INPP5D: variants seen among roughly 807,000 people sequenced by gnomAD.
INPP5D encodes inositol polyphosphate-5-phosphatase D, also known as phosphatidylinositol 3,4,5-trisphosphate 5-phosphatase 1.
In INPP5D, 33 loss-of-function variants were observed where a neutral mutation model predicts 122.9. That is an observed-to-expected ratio of 0.27 (90% CI 0.20 to 0.36). INPP5D has a LOEUF of 0.36. Among genes scored for constraint, INPP5D ranks in the 10% least tolerant of loss-of-function variants. The pLI, the probability that INPP5D is intolerant of heterozygous loss-of-function variation, is 1.00. For missense variants in INPP5D, 1,053 were observed against 1,412.7 expected, an observed-to-expected ratio of 0.75 and a Z score of 4.08; for synonymous variants, 584 against 576.2, an observed-to-expected ratio of 1.01 and a Z score of -0.19.
intron 18 of INPP5D, 42 bp from the exon 19 acceptor site, chr2:233,182,368 G>A: frequency 6.2e-7 from 1 of 1,611,050 alleles, no homozygotes; most frequent in South Asian, 1.1e-5. Flanking sequence ...GACCGGAAGG[G>A]CTTCTCCTTC....
intron 2 of INPP5D, among the ~76,000 whole-genome samples, chr2:233,111,379 T>C (rs1692624072): frequency 6.6e-6 from 1 of 152,270 alleles, no homozygotes; most frequent in South Asian, 2.1e-4. Flanking sequence ...CACACACACA[T>C]ATAATTTCCC....
intron 5 of INPP5D, among the ~76,000 whole-genome samples, chr2:233,139,470 G>C (rs2106272910): frequency 2.6e-5 from 1 of 38,980 alleles, no homozygotes; most frequent in South Asian, 8.6e-4. Flanking sequence ...TAACACCTGT[G>C]TGTGTGTGTG....
chr2:233,125,851 G>A lies in INPP5D; in HGVS notation c.456G>A (p.Ala152=), dbSNP rs569172731. ...EVPFSNENPR[A]TETSRPSLSE... ...CTTTTTCAAACGAGAATCCCCGAGC[G>A]ACCGAGACCAGCCGGCCGAGCCTCT... Residue 152 remains alanine (A), a synonymous_variant, in exon 4 of 27, where the codon GCG becomes GCA. Coordinates refer to ENST00000445964, the MANE Select transcript of INPP5D (RefSeq NM_001017915.3). 30 of 1,613,772 alleles carry A rather than the reference G, an allele frequency of 1.9e-5. No individual in the cohort carries two copies. The highest frequency in any genetic ancestry group is 6.7e-5 in the East Asian group (3 of 44,860).
chr2:233,084,055 T>C (rs148795367), intron 2 of INPP5D, among the ~76,000 whole-genome samples: 69 of 152,282 alleles, frequency 4.5e-4, no homozygotes, highest in African/African-American at 1.6e-3. Flanking sequence ...TTTTTCTGTT[T>C]TGTTTTGTTT....
intron 2 of INPP5D, among the ~76,000 whole-genome samples, chr2:233,118,705 C>T (rs1356653963): frequency 2.6e-5 from 4 of 152,244 alleles, no homozygotes; most frequent in African/African-American, 9.6e-5. Flanking sequence ...GGGTCTGTCC[C>T]TGTGGATCTG....
chr2:233,158,207 A>G (rs1202931698), intron 9 of INPP5D, 106 bp from the exon 10 acceptor site: 6 of 602,438 alleles, frequency 1.0e-5, no homozygotes, highest in East Asian at 2.9e-5. Context: ...CTCGGGGCTC[A>G]GCTTGGGGAC....
Position 233,171,060 on chromosome 2 carries a change from T to A in INPP5D, c.1901-4T>A. ...GAATTAAAACGAAAGTCTCTCTGTT[T>A]CAGAGGAGGAAGAAATCACGTTTGC... On this transcript the variant is annotated splice_polypyrimidine_tract_variant and splice_region_variant and intron_variant, in intron 16 of 26. Coordinates refer to ENST00000445964, the MANE Select transcript of INPP5D (RefSeq NM_001017915.3). 6.2e-7 allele frequency: 1 copy of A among 1,613,778 alleles called. No individual in the cohort carries two copies. The highest frequency in any genetic ancestry group is 8.5e-7 in the Non-Finnish European group (1 of 1,179,844).
rs556971192 is a variant in INPP5D, at chr2:233,149,100, CTTTT to C, written c.1030+1524_1030+1527del. Reference sequence around the variant, plus strand: ...TGGCTTCTTCAGGCATGATCAGCACCTTTTTTTTTTTTTTTTTTTTTGAGACAAA... The same window carrying C: ...TGGCTTCTTCAGGCATGATCAGCACCTTTTTTTTTTTTTTTTTGAGACAAA... On this transcript the variant is annotated intron_variant, in intron 9 of 26. Coordinates refer to ENST00000445964, the MANE Select transcript of INPP5D (RefSeq NM_001017915.3). Among the ~76,000 whole-genome samples, 13 of 105,998 alleles carry C rather than the reference CTTTT, an allele frequency of 1.2e-4. No individual in the cohort carries two copies. In the East Asian group the frequency reaches 1.2e-3, roughly 10 times the overall value. The allele number at this position is 105,998 out of a possible 152,430, so 69.5% of individuals were successfully genotyped here. A position where few individuals can be genotyped will look rare whatever the true frequency, so the allele number is the denominator to read the frequency against.
At chr2:233,191,498 C>T (rs573135442) in intron 22 of INPP5D, among the ~76,000 whole-genome samples, 22 of 152,208 alleles carry the variant, frequency 1.4e-4, no homozygotes, top group African/African-American at 2.9e-4. Context: ...TGCAGTGCCG[C>T]GGGTAAGGGA....
chr2:233,156,289 A>G (rs138015578), intron 9 of INPP5D, among the ~76,000 whole-genome samples: 26,340 of 152,118 alleles, frequency 0.17, 4,204 homozygotes, highest in African/African-American at 0.42. Context: ...CCAGGTTCAC[A>G]CTTCCTTCTT....
rs1293388468 is a variant in INPP5D, at chr2:233,170,588, G to A, written c.1884G>A (p.Lys628=). ...TGCTCACAGAGAGGAGGGAGCAGAA[G>A]GTCTTCCTACACTTCGGTAAGAGCA... The part of the protein sequence containing the change: ...DQLLTERREQ[K]VFLHFEEEEI... The change falls in exon 16 of 27, where the codon AAG becomes AAA. Residue 628 remains lysine (K), a synonymous_variant. Transcript: ENST00000445964. This position sits in a 1 kb window ranked among gnomAD's most constrained non-coding sequence, Gnocchi z 4.5. The A allele has an allele frequency of 1.2e-6, 2 of 1,613,348 alleles. No individual in the cohort carries two copies. Among genetic ancestry groups the A allele is most frequent in the Non-Finnish European group, 1.7e-6 (2 of 1,179,666 alleles).
intron 25 of INPP5D, among the ~76,000 whole-genome samples, chr2:233,203,337 A>G (rs534746868): frequency 1.1e-4 from 16 of 152,214 alleles, no homozygotes; most frequent in African/African-American, 3.6e-4. Flanking sequence ...GGCTGTGGAG[A>G]GCAGGCTCAT....
chr2:233,154,844 T>G (rs1694005672), intron 9 of INPP5D, among the ~76,000 whole-genome samples: 1 of 152,242 alleles, frequency 6.6e-6, no homozygotes, highest in Admixed American at 6.5e-5. Flanking sequence ...TAAGAATTCC[T>G]TCGCCTAGGC....
In INPP5D at chr2:233,206,631, A is replaced by T; in HGVS notation, c.3568-75A>T. 1 of 734,110 alleles carries T rather than the reference A, an allele frequency of 1.4e-6. No individual in the cohort carries two copies. Among genetic ancestry groups the T allele is most frequent in the African/African-American group, 1.7e-5 (1 of 57,968 alleles). 45.5% of individuals were successfully genotyped at this position (734,110 alleles called of 1,614,324 possible). A position where few individuals can be genotyped will look rare whatever the true frequency, so the allele number is the denominator to read the frequency against. On this transcript the variant is annotated intron_variant, in intron 26 of 26. Transcript: ENST00000445964. This position sits in a 1 kb window ranked among gnomAD's most constrained non-coding sequence, Gnocchi z 4.0. ...AAGCCTGGCCTAGCCCACAGCATGC[A>T]GGGACCTGGGCCACTTAGTTCAACA...
chr2:233,189,712 T>C lies in INPP5D; in HGVS notation c.2359-138T>C. 1 of 1,282,982 alleles carries C rather than the reference T, an allele frequency of 7.8e-7. No individual in the cohort carries two copies. Among genetic ancestry groups the C allele is most frequent in the Admixed American group, 2.8e-5 (1 of 36,138 alleles). 79.5% of individuals were successfully genotyped at this position (1,282,982 alleles called of 1,614,324 possible). A position where few individuals can be genotyped will look rare whatever the true frequency, so the allele number is the denominator to read the frequency against. ...TATGTGAAAGCTATACCCCACCTGCTCTCTTGGGTATGGACAGCAGAGATT... is the reference window on the plus strand; with the variant it reads ...TATGTGAAAGCTATACCCCACCTGCCCTCTTGGGTATGGACAGCAGAGATT... On this transcript the variant is annotated intron_variant, in intron 21 of 26. Coordinates refer to ENST00000445964, the MANE Select transcript of INPP5D (RefSeq NM_001017915.3). The surrounding 1 kb of genome is among the most constrained non-coding windows in gnomAD (Gnocchi z 5.6).
chr2:233,097,154 C>T (rs543136510), intron 2 of INPP5D, among the ~76,000 whole-genome samples: 67 of 152,336 alleles, frequency 4.4e-4, no homozygotes, highest in African/African-American at 1.3e-3. Flanking sequence ...TAATTTCCCC[C>T]ATAGTCCTAA....
At chr2:233,102,482 T>C (rs1299032291) in intron 2 of INPP5D, among the ~76,000 whole-genome samples, 4 of 152,166 alleles carry the variant, frequency 2.6e-5, no homozygotes, top group Non-Finnish European at 5.9e-5. Context: ...CACAGAATGT[T>C]TTGGCAATTA....
At chr2:233,145,772 A>C (rs1693742690) in intron 6 of INPP5D, among the ~76,000 whole-genome samples, 1 of 152,040 alleles carries the variant, frequency 6.6e-6, no homozygotes, top group African/African-American at 2.4e-5. Flanking sequence ...TACGTGGAGA[A>C]GAACTGTACT....
chr2:233,093,682 CAAA>C (rs11443116), intron 2 of INPP5D, among the ~76,000 whole-genome samples: 4 of 85,912 alleles, frequency 4.7e-5, no homozygotes, highest in Admixed American at 1.3e-4. Flanking sequence ...ACACTGTCTC[CAAA>C]AAAAAAAAAA....
Sources: gnomAD v4.1 joint callset for allele counts (sites outside exome capture counted in the v4.1 genomes callset) on GRCh38, gnomAD v4.1.1 for gene constraint, Gnocchi (gnomAD v3.1) non-coding constraint, MANE v1.5 for transcripts, NCBI Gene and HGNC (gene_info 2026-07-23, HGNC 2026-07-21) for gene names.